ARHGEF7: variants seen among roughly 807,000 people sequenced by gnomAD.
The protein encoded by ARHGEF7 is Rho guanine nucleotide exchange factor 7.
In ARHGEF7, 33 loss-of-function variants were observed where a neutral mutation model predicts 109.8. The observed-to-expected ratio is 0.30, with a 90% CI of 0.23 to 0.40. The LOEUF (loss-of-function observed/expected upper bound fraction) is 0.40. ARHGEF7 is among the 10% of genes least tolerant of loss of function. ARHGEF7 has a pLI of 1.00. For synonymous variants in ARHGEF7, 458 were observed against 424.6 expected (o/e 1.08, Z -0.97); for missense variants, 938 against 1,098.5 (o/e 0.85, Z 2.07).
chr13:111,260,980 A>G (rs1406776095), intron 8 of ARHGEF7, among the ~76,000 whole-genome samples: 1 of 152,222 alleles, frequency 6.6e-6, no homozygotes, highest in South Asian at 2.1e-4. Context: ...ATTAAGAAAC[A>G]TACAATAGAT....
intron 2 of ARHGEF7, among the ~76,000 whole-genome samples, chr13:111,189,631 G>C (rs1247401098): frequency 6.6e-6 from 1 of 152,218 alleles, no homozygotes; most frequent in Non-Finnish European, 1.5e-5. Context: ...GGGGACCCAA[G>C]TGGGTTGCCG....
chr13:111,203,169 A>C, intron 2 of ARHGEF7: 1 of 1,166,264 alleles, frequency 8.6e-7, no homozygotes, highest in Non-Finnish European at 1.1e-6. Flanking sequence ...AAAATTGACA[A>C]AATAAAAAAT....
At chr13:111,125,621 T>C (rs2067508925) in intron 1 of ARHGEF7, among the ~76,000 whole-genome samples, 1 of 152,230 alleles carries the variant, frequency 6.6e-6, no homozygotes, top group Non-Finnish European at 1.5e-5. Context: ...TAAAGTGGCC[T>C]GGTTTTGATT....
At chr13:111,198,249 C>T (rs970722400) in intron 2 of ARHGEF7, among the ~76,000 whole-genome samples, 7 of 151,380 alleles carry the variant, frequency 4.6e-5, no homozygotes, top group African/African-American at 1.2e-4. Context: ...CCGAATTCTA[C>T]GGAAAAATAG....
At chr13:111,168,025 C>T (rs76208227) in intron 2 of ARHGEF7, among the ~76,000 whole-genome samples, 2,048 of 152,024 alleles carry the variant, frequency 0.013, 46 homozygotes, top group African/African-American at 0.045. Flanking sequence ...TGTCCAGCCT[C>T]GATAATGTTC....
intron 19 of ARHGEF7, among the ~76,000 whole-genome samples, chr13:111,295,418 G>A (rs927189450): frequency 2.6e-5 from 4 of 152,132 alleles, no homozygotes; most frequent in Admixed American, 6.5e-5. Flanking sequence ...TCTCTTTCCC[G>A]TTTCTTAAGA....
chr13:111,234,327 ACT>A (rs1238888036), intron 6 of ARHGEF7, among the ~76,000 whole-genome samples: 1 of 152,078 alleles, frequency 6.6e-6, no homozygotes, highest in Non-Finnish European at 1.5e-5. Flanking sequence ...CGGGGCTTGC[ACT>A]CTCAGCTTCC....
chr13:111,208,362 T>C (rs1345545200), intron 3 of ARHGEF7, among the ~76,000 whole-genome samples: 1 of 152,208 alleles, frequency 6.6e-6, no homozygotes, highest in African/African-American at 2.4e-5. Flanking sequence ...AGATTTCAGC[T>C]TTCCTTGATT....
At chr13:111,208,629 C>T (rs891210368) in intron 3 of ARHGEF7, among the ~76,000 whole-genome samples, 8 of 152,050 alleles carry the variant, frequency 5.3e-5, no homozygotes, top group Admixed American at 5.2e-4. Flanking sequence ...GCCGGGAGCC[C>T]TGTAGAATTT....
intron 1 of ARHGEF7, among the ~76,000 whole-genome samples, chr13:111,148,050 T>C (rs1595032707): frequency 6.6e-6 from 1 of 152,340 alleles, no homozygotes; most frequent in South Asian, 2.1e-4. Flanking sequence ...CTCTGCAGAA[T>C]TTAGGTTTCC....
At chr13:111,249,874 A>G (rs1161725631) in intron 8 of ARHGEF7, among the ~76,000 whole-genome samples, 2 of 152,194 alleles carry the variant, frequency 1.3e-5, no homozygotes, top group African/African-American at 2.4e-5. Flanking sequence ...CTGTTCGGCA[A>G]CAAAAGGCAG....
Position 111,272,999 on chromosome 13 carries a change from G to T in ARHGEF7, c.1074-815G>T, listed in dbSNP as rs72653552. On this transcript the variant is annotated intron_variant, in intron 9 of 21. Transcript: ENST00000646102. This position sits in a 1 kb window ranked among gnomAD's most constrained non-coding sequence, Gnocchi z 5.2. ...CCCACTGTAGGGAAAGATAGGCGAG[G>T]CACTGTGAAGGGGATGGTTGAAGAG... 2.6e-5 allele frequency among the ~76,000 whole-genome samples: 4 copies of T among 152,066 alleles called. No homozygotes were observed. The highest frequency in any genetic ancestry group is 9.7e-5 in the African/African-American group (4 of 41,386).
At chr13:111,299,031 C>T (rs149543923) in intron 19 of ARHGEF7, among the ~76,000 whole-genome samples, 1,856 of 152,322 alleles carry the variant, frequency 0.012, 135 homozygotes, top group Admixed American at 0.1. Context: ...TTTCCCAGGA[C>T]GTCATCTTAT....
chr13:111,164,093 T>C (rs1201189951), intron 2 of ARHGEF7, among the ~76,000 whole-genome samples: 2 of 152,188 alleles, frequency 1.3e-5, no homozygotes, highest in Admixed American at 1.3e-4. Flanking sequence ...TACGGTGATC[T>C]TTGAAATGAA....
rs867431300 is a variant in ARHGEF7 at position 111,305,055 on chromosome 13, C to T, written c.*1942C>T. On this transcript the variant is annotated 3_prime_UTR_variant, in exon 22 of 22. Coordinates refer to ENST00000646102, the MANE Select transcript of ARHGEF7 (RefSeq NM_001354046.2). ...CTCTCGGAGCCGGTAGCGTTGCTGT[C>T]CGAGTCCCCAGGACGGATCTCCTGC... 1 of 152,242 alleles carries T rather than the reference C, an allele frequency of 6.6e-6. No individual in the cohort carries two copies. The highest frequency in any genetic ancestry group is 2.1e-4 in the South Asian group (1 of 4,836). 9.4% of individuals were successfully genotyped at this position (152,242 alleles called of 1,614,324 possible).
At chr13:111,156,739 G>A (rs1176460004) in intron 2 of ARHGEF7, among the ~76,000 whole-genome samples, 2 of 152,228 alleles carry the variant, frequency 1.3e-5, no homozygotes, top group Non-Finnish European at 2.9e-5. Flanking sequence ...TGTGAAATAT[G>A]TTGTGGGATT....
chr13:111,234,255 G>A (rs1002126681), intron 6 of ARHGEF7, among the ~76,000 whole-genome samples: 2 of 152,170 alleles, frequency 1.3e-5, no homozygotes, highest in Non-Finnish European at 2.9e-5. Context: ...ACGGTGAAAA[G>A]GTGTGGTGCA....
At chr13:111,286,123 G>A (rs201724001) in intron 16 of ARHGEF7, 24 bp from the exon 17 acceptor site, 302 of 1,581,076 alleles carry the variant, frequency 1.9e-4, no homozygotes, top group East Asian at 5.8e-4. Context: ...GAGTATGTTA[G>A]CATTTTCTTT....
At chr13:111,177,013 T>A (rs775421409) in intron 2 of ARHGEF7, among the ~76,000 whole-genome samples, 7 of 152,248 alleles carry the variant, frequency 4.6e-5, no homozygotes, top group Non-Finnish European at 7.3e-5. Context: ...CGCCTTGGCC[T>A]CCCAGAGTGC....
Sources: allele counts gnomAD v4.1 joint callset (sites outside exome capture counted in the v4.1 genomes callset), GRCh38; gene constraint gnomAD v4.1.1; non-coding constraint Gnocchi (gnomAD v3.1); transcripts MANE v1.5; gene names NCBI Gene and HGNC (gene_info 2026-07-23, HGNC 2026-07-21).